The following KIF1B variants were observed in gnomAD, a reference collection of about 807,000 sequenced individuals.
KIF1B encodes kinesin-like protein KIF1B.
A neutral mutation model predicts 241.9 loss-of-function variants in KIF1B; 76 were observed. The observed-to-expected ratio is 0.31, with a 90% CI of 0.26 to 0.38. The LOEUF is 0.38. Among genes scored for constraint, KIF1B ranks in the 10% least tolerant of loss-of-function variants. KIF1B has a pLI of 1.00. For synonymous variants in KIF1B, 750 were observed against 796.7 expected, an observed-to-expected ratio of 0.94 and a Z score of 0.99; for missense variants, 1,622 against 2,271.4, an observed-to-expected ratio of 0.71 and a Z score of 5.81.
chr1:10,343,319 T>A lies in KIF1B; in HGVS notation c.3688+32T>A, dbSNP rs771371258. On this transcript the variant is annotated intron_variant, in intron 34 of 48. Coordinates refer to ENST00000676179, the MANE Select transcript of KIF1B (RefSeq NM_001365951.3). ...ACTCGCTCCGCTTTTTGCATGATGA[T>A]CTCTTTGTGAATACATGTCTTATTC... 5.6e-6 allele frequency: 9 copies of A among 1,604,302 alleles called. No homozygotes were observed. In the South Asian group the frequency reaches 9.9e-5, roughly 18 times the overall value.
intron 9 of KIF1B, among the ~76,000 whole-genome samples, 177 bp from the exon 10 acceptor site, chr1:10,272,837 A>G (rs1648878101): frequency 6.6e-6 from 1 of 151,466 alleles, no homozygotes; most frequent in Non-Finnish European, 1.5e-5. Flanking sequence ...TAAATTAGTC[A>G]TTGTGTGTTC....
intron 22 of KIF1B, chr1:10,304,019 A>C: frequency 6.2e-7 from 1 of 1,611,832 alleles, no homozygotes. Flanking sequence ...CGTCGGCAGA[A>C]TGTACCTCAT....
chr1:10,343,300 T>C lies in KIF1B; in HGVS notation c.3688+13T>C. 1 of 1,613,764 alleles carries C rather than the reference T, an allele frequency of 6.2e-7. No individual in the cohort carries two copies. The highest frequency in any genetic ancestry group is 8.5e-7 in the Non-Finnish European group (1 of 1,179,634). ...CTGTCCAAGCCAGGTGAGCACTCGC[T>C]CCGCTTTTTGCATGATGATCTCTTT... On this transcript the variant is annotated intron_variant, in intron 34 of 48. Transcript: ENST00000676179.
intron 1 of KIF1B, 72 bp from the exon 2 acceptor site, chr1:10,232,178 T>A: frequency 1.6e-6 from 1 of 638,016 alleles, no homozygotes. Flanking sequence ...AAGATAGTAG[T>A]TCTTATGCTT....
At chr1:10,371,120 T>A (rs1638720573) in intron 44 of KIF1B, 21 bp from the exon 45 acceptor site, 1 of 1,614,038 alleles carries the variant, frequency 6.2e-7, no homozygotes, top group Non-Finnish European at 8.5e-7. Context: ...ATGTAACTTG[T>A]AGTGTTCGGT....
At chr1:10,261,170 T>A (rs758668001) in intron 4 of KIF1B, among the ~76,000 whole-genome samples, 3 of 151,960 alleles carry the variant, frequency 2.0e-5, no homozygotes, top group Non-Finnish European at 2.9e-5. Flanking sequence ...TTTCACAATG[T>A]TGGCCAGGCT....
intron 22 of KIF1B, among the ~76,000 whole-genome samples, chr1:10,312,571 G>A (rs983547955): frequency 2.0e-5 from 3 of 151,340 alleles, no homozygotes; most frequent in African/African-American, 4.9e-5. Flanking sequence ...TCTCCTACCC[G>A]TCTCCCTACT....
intron 1 of KIF1B, among the ~76,000 whole-genome samples, chr1:10,211,109 TG>T (rs968728230): frequency 6.6e-6 from 1 of 152,000 alleles, no homozygotes; most frequent in African/African-American, 2.4e-5. Context: ...CGCAGTGCCC[TG>T]CACCGGCCCT....
intron 22 of KIF1B, chr1:10,304,327 C>A (rs376558549): frequency 6.2e-7 from 1 of 1,614,084 alleles, no homozygotes; most frequent in South Asian, 1.1e-5. Context: ...ACCTCAACTA[C>A]GTTGGAGAAG....
intron 22 of KIF1B, among the ~76,000 whole-genome samples, chr1:10,311,646 A>C: frequency 6.6e-6 from 1 of 151,280 alleles, no homozygotes; most frequent in East Asian, 1.9e-4. Context: ...GATTCAGTGC[A>C]TTTTCTCAGT....
At chr1:10,346,048 T>C (rs1008368861) in intron 35 of KIF1B, 95 bp downstream of exon 35, 35 of 813,034 alleles carry the variant, frequency 4.3e-5, no homozygotes, top group South Asian at 1.0e-4. Flanking sequence ...CATGAATCAT[T>C]GTCACTGTCA....
intron 27 of KIF1B, among the ~76,000 whole-genome samples, chr1:10,332,306 C>T (rs1190846259): frequency 1.3e-5 from 2 of 151,570 alleles, no homozygotes; most frequent in Non-Finnish European, 2.9e-5. Flanking sequence ...CCTCAGGTGA[C>T]CCGCCTGCCT....
chr1:10,341,964 A>AC, intron 32 of KIF1B, 86 bp from the exon 33 acceptor site: 1 of 971,450 alleles, frequency 1.0e-6, no homozygotes, highest in Non-Finnish European at 1.6e-6. Flanking sequence ...AAAAAAAAAA[A>AC]AAAACCCAAA....
chr1:10,278,436 G>A (rs1390323704), intron 13 of KIF1B: 1 of 319,480 alleles, frequency 3.1e-6, no homozygotes, highest in Non-Finnish European at 5.9e-6. Flanking sequence ...TATTTGGAAC[G>A]TTAAACCTGT....
intron 48 of KIF1B, among the ~76,000 whole-genome samples, chr1:10,375,736 A>G (rs565629133): frequency 2.7e-5 from 4 of 147,580 alleles, no homozygotes; most frequent in Non-Finnish European, 6.0e-5. Context: ...CTTCAGGAAT[A>G]TCAGGATAAA....
At chr1:10,259,356 C>A (rs985921415) in intron 4 of KIF1B, among the ~76,000 whole-genome samples, 2 of 151,758 alleles carry the variant, frequency 1.3e-5, no homozygotes, top group African/African-American at 4.8e-5. Context: ...ACTCTGTTGC[C>A]CATGCTGGAG....
At chr1:10,354,918 A>G (rs1472614090) in intron 38 of KIF1B, among the ~76,000 whole-genome samples, 1 of 152,204 alleles carries the variant, frequency 6.6e-6, no homozygotes, top group Admixed American at 6.5e-5. Context: ...CTTACCTGCA[A>G]TTTGGGTATA....
intron 22 of KIF1B, among the ~76,000 whole-genome samples, chr1:10,315,938 C>T (rs954294387): frequency 5.3e-5 from 8 of 151,070 alleles, no homozygotes; most frequent in Non-Finnish European, 1.2e-4. Context: ...CACCTGTAGT[C>T]CCAGCTACTT....
intron 8 of KIF1B, among the ~76,000 whole-genome samples, chr1:10,271,915 AAGAGATGGC>A (rs1648822138): frequency 6.6e-6 from 1 of 152,238 alleles, no homozygotes; most frequent in Non-Finnish European, 1.5e-5. Context: ...AGATGGAATT[AAGAGATGGC>A]AGTGGGAATA....
Sources: gnomAD v4.1 joint callset for allele counts (sites outside exome capture counted in the v4.1 genomes callset) on GRCh38, gnomAD v4.1.1 for gene constraint, MANE v1.5 for transcripts, NCBI Gene and HGNC (gene_info 2026-07-23, HGNC 2026-07-21) for gene names.